Variants in DNAH3 observed in about 807,000 individuals in gnomAD.
DNAH3 encodes the protein dynein axonemal heavy chain 3.
DNAH3 carries 332 observed loss-of-function variants against 432.5 expected under a neutral mutation model. The observed-to-expected ratio is 0.77, with a 90% CI of 0.70 to 0.84. DNAH3 has a LOEUF of 0.84. Ranked by LOEUF, DNAH3 falls within the 40% of genes least tolerant of loss-of-function variation. The pLI, the probability that DNAH3 is intolerant of heterozygous loss-of-function variation, is 0.00. For missense variants in DNAH3, 4,861 were observed against 5,114.0 expected (o/e 0.95, Z 1.51); for synonymous variants, 1,956 against 1,900.2 (o/e 1.03, Z -0.76).
chr16:21,048,818 C>T (rs1450650937), intron 31 of DNAH3, among the ~76,000 whole-genome samples: 2 of 151,804 alleles, frequency 1.3e-5, no homozygotes, highest in African/African-American at 4.8e-5. Flanking sequence ...TTCAGCCTCC[C>T]GAGTAGCTGG....
intron 18 of DNAH3, among the ~76,000 whole-genome samples, chr16:21,090,618 G>T (rs974039300): frequency 6.6e-6 from 1 of 152,144 alleles, no homozygotes; most frequent in African/African-American, 2.4e-5. Context: ...AGGACATTAT[G>T]CTAAGTGAAA....
chr16:21,051,858 C>T (rs142173644), exon 29 of DNAH3: 1 of 1,614,158 alleles, frequency 6.2e-7, no homozygotes, highest in Non-Finnish European at 8.5e-7. Context: ...ACTTGGCCAC[C>T]ACGTCGCGGG....
rs368653423 is a variant in DNAH3 at position 21,080,190 on chromosome 16, G to C, written c.2969+1446C>G. On this transcript the variant is annotated intron_variant, in intron 20 of 61. Transcript: ENST00000261383. ...CGGGCACCTGTAACCCCAGCTACTCGGGAAGCTGAGGCAGGAGAATCACTT... is the reference window on the plus strand; with the variant it reads ...CGGGCACCTGTAACCCCAGCTACTCCGGAAGCTGAGGCAGGAGAATCACTT... Among the ~76,000 whole-genome samples, 15 of 152,218 alleles carry C rather than the reference G, an allele frequency of 9.9e-5. No homozygotes were observed. The East Asian group carries it at 2.1e-3, about 22-fold the overall frequency.
At chr16:20,940,646 G>C (rs11649158) in intron 59 of DNAH3, among the ~76,000 whole-genome samples, 41,758 of 150,254 alleles carry the variant, frequency 0.28, 5,876 homozygotes, top group Middle Eastern at 0.32. Context: ...TGCCCAGGCT[G>C]GTCTTGGACT....
intron 52 of DNAH3, among the ~76,000 whole-genome samples, chr16:20,966,983 C>A (rs1237448254): frequency 1.3e-5 from 2 of 152,186 alleles, no homozygotes; most frequent in East Asian, 3.8e-4. Context: ...GAACAATGCT[C>A]CTTCTGTTGA....
chr16:20,992,810 A>G (rs2086613221), intron 44 of DNAH3, among the ~76,000 whole-genome samples: 2 of 152,308 alleles, frequency 1.3e-5, no homozygotes, highest in East Asian at 1.9e-4. Context: ...GACATTAAAC[A>G]TCAAGTTCAA....
chr16:21,057,780 G>A (rs1321451103), intron 27 of DNAH3, among the ~76,000 whole-genome samples: 1 of 152,096 alleles, frequency 6.6e-6, no homozygotes. Context: ...GAAGAATATA[G>A]GAGGTCTCCC....
intron 21 of DNAH3, among the ~76,000 whole-genome samples, chr16:21,074,007 C>T (rs538512486): frequency 1.9e-4 from 29 of 152,240 alleles, no homozygotes; most frequent in Non-Finnish European, 2.9e-4. Flanking sequence ...TCTTCACTTT[C>T]GATGGTTCCA....
At chr16:21,116,259 C>T (rs1422960415) in intron 12 of DNAH3, among the ~76,000 whole-genome samples, 1 of 151,780 alleles carries the variant, frequency 6.6e-6, no homozygotes, top group South Asian at 2.1e-4. Flanking sequence ...GGCTGTGTCC[C>T]CACCCAAATT....
chr16:21,081,453 C>A (rs1321798978), intron 20 of DNAH3, among the ~76,000 whole-genome samples, 183 bp downstream of exon 20: 4 of 151,606 alleles, frequency 2.6e-5, no homozygotes, highest in African/African-American at 7.3e-5. Context: ...AGCAGCTCTG[C>A]AGCTAAAAAA....
intron 46 of DNAH3, 106 bp downstream of exon 46, chr16:20,987,587 A>G: frequency 6.5e-7 from 1 of 1,540,564 alleles, no homozygotes; most frequent in Non-Finnish European, 8.9e-7. Context: ...AATGCCTAGC[A>G]TAGACTAAGT....
intron 15 of DNAH3, among the ~76,000 whole-genome samples, chr16:21,105,779 T>G (rs1419074641): frequency 1.3e-5 from 2 of 151,790 alleles, no homozygotes; most frequent in East Asian, 3.9e-4. Context: ...AAAAAATAAA[T>G]AAATAAAAGA....
At chr16:20,943,730 CA>C (rs1210064953) in intron 58 of DNAH3, among the ~76,000 whole-genome samples, 1 of 152,148 alleles carries the variant, frequency 6.6e-6, no homozygotes, top group East Asian at 1.9e-4. Context: ...CCTGTAATCC[CA>C]GCACTTTTGG....
intron 56 of DNAH3, among the ~76,000 whole-genome samples, chr16:20,951,777 GT>G (rs1216685053): frequency 8.8e-6 from 1 of 113,834 alleles, no homozygotes; most frequent in Non-Finnish European, 1.7e-5. Flanking sequence ...TAGAGTCTCT[GT>G]CACCCAGGCT....
chr16:20,984,976 G>GC (rs1382282338), intron 48 of DNAH3, 73 bp downstream of exon 48: 5 of 1,277,932 alleles, frequency 3.9e-6, no homozygotes, highest in Non-Finnish European at 5.4e-6. Flanking sequence ...TAAGGGATTG[G>GC]CCTGCTCAGG....
At chr16:20,947,777 T>C (rs775480519) in intron 57 of DNAH3, among the ~76,000 whole-genome samples, 2 of 151,946 alleles carry the variant, frequency 1.3e-5, no homozygotes, top group Admixed American at 6.6e-5. Context: ...GTGGTTTTTT[T>C]TGTTTGTTTG....
intron 24 of DNAH3, among the ~76,000 whole-genome samples, chr16:21,063,528 T>C (rs2090439206): frequency 6.7e-6 from 1 of 149,654 alleles, no homozygotes; most frequent in Non-Finnish European, 1.5e-5. Context: ...TATTTTATTT[T>C]ATTTTTATTT....
Position 21,049,698 on chromosome 16 carries a change from A to G in DNAH3, c.4348-16T>C, listed in dbSNP as rs1277145730. 6.2e-7 allele frequency: 1 copy of G among 1,605,484 alleles called. No individual in the cohort carries two copies. The highest frequency in any genetic ancestry group is 2.2e-5 in the East Asian group (1 of 44,824). On this transcript the variant is annotated splice_polypyrimidine_tract_variant and intron_variant, in intron 30 of 61. Coordinates refer to ENST00000261383, the Ensembl canonical transcript of DNAH3. ...AGACCACACACTAGAAAGAGGGAGGATGTGGGTATCATTCAGGGTGGATTC... is the reference window on the plus strand; with the variant it reads ...AGACCACACACTAGAAAGAGGGAGGGTGTGGGTATCATTCAGGGTGGATTC...
intron 20 of DNAH3, among the ~76,000 whole-genome samples, chr16:21,075,810 T>G (rs59311940): frequency 0.093 from 13,841 of 148,478 alleles, 755 homozygotes; most frequent in South Asian, 0.18. Context: ...CTCAGGAGAC[T>G]GAGGTGGGAG....
Sources: gnomAD v4.1 joint callset for allele counts (sites outside exome capture counted in the v4.1 genomes callset) on GRCh38, gnomAD v4.1.1 for gene constraint, MANE v1.5 for transcripts, NCBI Gene and HGNC (gene_info 2026-07-23, HGNC 2026-07-21) for gene names.